CCDC181: variants seen among roughly 807,000 people sequenced by gnomAD.
CCDC181 encodes coiled-coil domain containing 181, also known as coiled-coil domain-containing protein 181.
A neutral mutation model predicts 58.7 loss-of-function variants in CCDC181; 35 were observed. That is an observed-to-expected ratio of 0.60 (90% confidence interval 0.46 to 0.79). CCDC181 has a LOEUF of 0.79. Among genes scored for constraint, CCDC181 ranks in the 30% least tolerant of loss-of-function variants. The pLI is 0.00. For synonymous variants in CCDC181, 183 were observed against 197.5 expected (o/e 0.93, Z 0.62); for missense variants, 517 against 583.9 (o/e 0.89, Z 1.18).
intron 4 of CCDC181, among the ~76,000 whole-genome samples, chr1:169,415,767 T>C (rs1345572886): frequency 3.9e-5 from 6 of 152,168 alleles, no homozygotes; most frequent in Admixed American, 1.3e-4. Context: ...TTTAACTACA[T>C]AGAAGAGCCA....
At chr1:169,410,105 C>T (rs987036481) in intron 4 of CCDC181, among the ~76,000 whole-genome samples, 7 of 150,434 alleles carry the variant, frequency 4.7e-5, no homozygotes, top group African/African-American at 1.7e-4. Flanking sequence ...CGGATAGAGT[C>T]AAGACCCATA....
At chr1:169,408,334 C>G (rs566578639) in intron 4 of CCDC181, among the ~76,000 whole-genome samples, 55 of 152,356 alleles carry the variant, frequency 3.6e-4, no homozygotes, top group African/African-American at 1.3e-3. Flanking sequence ...CAAAGCCAGA[C>G]TGCCTCTCTA....
intron 2 of CCDC181, among the ~76,000 whole-genome samples, chr1:169,440,795 A>G (rs1044700625): frequency 2.0e-5 from 3 of 151,968 alleles, no homozygotes; most frequent in Admixed American, 1.3e-4. Context: ...ATAGCCAGGC[A>G]TGGTGGAGCA....
chr1:169,434,018 CA>C (rs1472594273), intron 2 of CCDC181, among the ~76,000 whole-genome samples: 1 of 151,948 alleles, frequency 6.6e-6, no homozygotes, highest in Non-Finnish European at 1.5e-5. Context: ...AAAATATTCG[CA>C]AATGATATAT....
chr1:169,404,065 A>G (rs1356445750), intron 4 of CCDC181, among the ~76,000 whole-genome samples: 1 of 152,254 alleles, frequency 6.6e-6, no homozygotes, highest in African/African-American at 2.4e-5. Flanking sequence ...AATCTAGAAG[A>G]AATGGATAAA....
In CCDC181 at chr1:169,397,240, T is replaced by C. The variant is rs1357638634; in HGVS notation, c.1367A>G (p.Lys456Arg). The change falls in exon 5 of 6, where the codon AAA becomes AGA. Residue 456 changes from lysine (K) to arginine (R), a missense_variant. Lys to Arg is a conservative substitution (Grantham distance 26). Transcript: ENST00000367806. ...KGTEGRERAF[K>R]QWLRRKRMEK... ...AAATGCCCTGCCTTTAACTTACTGT[T>C]TAAAGGCCCTTTCCCGGCCTTCTGT... is the stretch of plus-strand genomic sequence containing the variant. The C allele has an allele frequency of 6.3e-7, 1 of 1,597,328 alleles. No homozygotes were observed. The highest frequency in any genetic ancestry group is 8.5e-7 in the Non-Finnish European group (1 of 1,173,748).
intron 2 of CCDC181, among the ~76,000 whole-genome samples, chr1:169,434,989 TA>T (rs932852699): frequency 9.2e-5 from 14 of 152,074 alleles, no homozygotes; most frequent in African/African-American, 3.4e-4. Context: ...GTGTCAGTTT[TA>T]AAAAATAAAG....
At chr1:169,441,990 T>A (rs575329077) in intron 2 of CCDC181, among the ~76,000 whole-genome samples, 6 of 152,056 alleles carry the variant, frequency 3.9e-5, no homozygotes, top group Non-Finnish European at 7.4e-5. Context: ...TAGAAATAAA[T>A]AAGTAAACAA....
At chr1:169,408,461 G>A (rs1023291996) in intron 4 of CCDC181, among the ~76,000 whole-genome samples, 29 of 152,322 alleles carry the variant, frequency 1.9e-4, no homozygotes, top group Admixed American at 4.6e-4. Context: ...GGGTGGCTGC[G>A]GGCACAGCTT....
chr1:169,414,019 T>TA (rs35602422), intron 4 of CCDC181, among the ~76,000 whole-genome samples: 73,438 of 151,596 alleles, frequency 0.48, 18,083 homozygotes, highest in East Asian at 0.69. Flanking sequence ...AAAATATAAT[T>TA]AAAAAAAATA....
In CCDC181 at chr1:169,422,003, G is replaced by A. The variant is rs201319056; in HGVS notation, c.428C>T (p.Pro143Leu). ...TTTTCGCTCCCTTTTATCATTCACC[G>A]GTTCTTGATTCTGTAGAAGCTTGTT... ...QANKLLQNQE[P>L]VNDKRERKLK... Residue 143 changes from proline to leucine, a missense_variant, in exon 3 of 6, where the codon CCG (proline) becomes CTG (leucine). Coordinates refer to ENST00000367806, the MANE Select transcript of CCDC181 (RefSeq NM_001300969.2). 35 of 1,613,854 alleles carry A rather than the reference G, an allele frequency of 2.2e-5. No homozygotes were observed. In the East Asian group the frequency reaches 2.2e-4, roughly 10 times the overall value.
intron 3 of CCDC181, among the ~76,000 whole-genome samples, chr1:169,420,291 T>C (rs1487632175): frequency 6.6e-6 from 1 of 152,232 alleles, no homozygotes; most frequent in African/African-American, 2.4e-5. Flanking sequence ...AGTTTGACTA[T>C]TAGAGCTATT....
At chr1:169,455,458 A>T (rs545298532) in intron 2 of CCDC181, among the ~76,000 whole-genome samples, 1 of 152,234 alleles carries the variant, frequency 6.6e-6, no homozygotes, top group South Asian at 2.1e-4. Context: ...CTAATTAACA[A>T]TTTAGTATCA....
In CCDC181 at chr1:169,422,040, T is replaced by C. The variant is rs142372354; in HGVS notation, c.391A>G (p.Ile131Val). 3.7e-6 allele frequency: 6 copies of C among 1,614,094 alleles called. No individual in the cohort carries two copies. Among genetic ancestry groups the C allele is most frequent in the Non-Finnish European group, 5.1e-6 (6 of 1,180,014 alleles). ...EEVRRYIMEK[I>V]VQANKLLQNQ... Reference sequence around the variant, plus strand: ...TGTAGAAGCTTGTTAGCTTGTACAATTTTCTCCATAATATATCTCCTTACT... The same window carrying C: ...TGTAGAAGCTTGTTAGCTTGTACAACTTTCTCCATAATATATCTCCTTACT... Residue 131 changes from isoleucine (I) to valine (V), a missense_variant, in exon 3 of 6, where the codon ATT becomes GTT. Physicochemically the swap from Ile to Val is conservative, Grantham distance 29 (BLOSUM62 3). Transcript: ENST00000367806.
intron 1 of CCDC181, 141 bp from the exon 2 acceptor site, chr1:169,425,091 A>C (rs191718604): frequency 1.3e-4 from 55 of 425,508 alleles, no homozygotes; most frequent in Non-Finnish European, 4.3e-6. Context: ...ACTTGAATAC[A>C]CCATGAAAGA....
intron 2 of CCDC181, among the ~76,000 whole-genome samples, chr1:169,441,779 G>T (rs927358121): frequency 6.6e-6 from 1 of 151,568 alleles, no homozygotes; most frequent in African/African-American, 2.4e-5. Flanking sequence ...ATTGAAAAAT[G>T]TATTTAGAAT....
chr1:169,416,234 T>C (rs2102077648), intron 4 of CCDC181, among the ~76,000 whole-genome samples: 1 of 152,220 alleles, frequency 6.6e-6, no homozygotes, highest in Non-Finnish European at 1.5e-5. Flanking sequence ...GGGTAGGGGG[T>C]TCTCCTTTCC....
At chr1:169,397,463 C>A in intron 4 of CCDC181, 72 bp from the exon 5 acceptor site, 1 of 1,319,204 alleles carries the variant, frequency 7.6e-7, no homozygotes, top group East Asian at 2.5e-5. Context: ...CTTATGGGAT[C>A]CTACAAGAAT....
intron 1 of CCDC181, among the ~76,000 whole-genome samples, chr1:169,426,193 A>C (rs992176713): frequency 3.3e-5 from 5 of 152,172 alleles, no homozygotes; most frequent in African/African-American, 1.2e-4. Flanking sequence ...AAAGAACATA[A>C]ATTACAAACT....
Sources: gnomAD v4.1 joint callset for allele counts (sites outside exome capture counted in the v4.1 genomes callset) on GRCh38, gnomAD v4.1.1 for gene constraint, MANE v1.5 for transcripts, NCBI Gene and HGNC (gene_info 2026-07-23, HGNC 2026-07-21) for gene names.